Variants in SMIM35 observed in about 807,000 individuals in gnomAD.
SMIM35 encodes the protein TMPRSS4 antisense RNA 1 (non-protein coding).
intron 1 of SMIM35, among the ~76,000 whole-genome samples, chr11:118,021,051 T>C (rs1247057844): frequency 6.6e-6 from 1 of 151,636 alleles, no homozygotes. Context: ...GGTAAGGTTT[T>C]TTTTTTTACT....
intron 1 of SMIM35, among the ~76,000 whole-genome samples, chr11:118,068,639 A>G (rs1036392637): frequency 5.9e-5 from 9 of 152,278 alleles, no homozygotes; most frequent in African/African-American, 1.9e-4. Context: ...GGCAAGGATG[A>G]AGGAGGGAGG....
In SMIM35 at chr11:118,015,765, G is replaced by A; in HGVS notation, c.52C>T (p.Leu18Phe). ...STLGLILGVG[L>F]LLLLVSILGY... ...AGGATGGACACGAGCAGCAGCAAGA[G>A]CCCCACGCCAAGGATCAGGCCCAAG... The change falls in exon 2 of 5, where the codon CTC (leucine) becomes TTC (phenylalanine). Residue 18 changes from leucine to phenylalanine, a missense_variant. Leu to Phe is a conservative substitution (Grantham distance 22, BLOSUM62 0). Coordinates refer to ENST00000689828, the MANE Select transcript of SMIM35 (RefSeq NM_001394165.1). The A allele has an allele frequency of 2.5e-6, 1 of 399,562 alleles. No individual in the cohort carries two copies. Among genetic ancestry groups the A allele is most frequent in the Non-Finnish European group, 4.4e-6 (1 of 226,512 alleles). 24.8% of individuals were successfully genotyped at this position (399,562 alleles called of 1,614,324 possible). A position where few individuals can be genotyped will look rare whatever the true frequency, so the allele number is the denominator to read the frequency against.
chr11:118,050,321 C>G (rs898432146), intron 1 of SMIM35, among the ~76,000 whole-genome samples: 1 of 152,246 alleles, frequency 6.6e-6, no homozygotes, highest in Non-Finnish European at 1.5e-5. Context: ...GCCTCCTGGG[C>G]TCCTAGGTCT....
intron 1 of SMIM35, among the ~76,000 whole-genome samples, chr11:118,079,329 A>C (rs1338804829): frequency 6.6e-6 from 1 of 151,764 alleles, no homozygotes; most frequent in East Asian, 1.9e-4. Flanking sequence ...ACCTCCTTCC[A>C]TCCCCACAGG....
intron 4 of SMIM35, among the ~76,000 whole-genome samples, chr11:118,009,890 C>T (rs1360371369): frequency 1.3e-5 from 2 of 152,158 alleles, no homozygotes; most frequent in Non-Finnish European, 2.9e-5. Flanking sequence ...AGGGCAGGGT[C>T]AGAACCAGAC....
At chr11:118,036,458 C>T (rs1356919811) in intron 1 of SMIM35, among the ~76,000 whole-genome samples, 1 of 152,184 alleles carries the variant, frequency 6.6e-6, no homozygotes, top group Non-Finnish European at 1.5e-5. Context: ...TTTCTAAACA[C>T]ATCTTTAATG....
rs541472258 is a variant in SMIM35 at position 118,070,476 on chromosome 11, C to T, written c.7+16275G>A. 5.4e-3 allele frequency among the ~76,000 whole-genome samples: 823 copies of T among 152,324 alleles called. 2 individuals are homozygous for T. The highest frequency in any genetic ancestry group is 0.018 in the African/African-American group (741 of 41,568). ...ACAGCCGTGAGCCACCGTGCCCAGC[C>T]TCTAGACAGATTCTTATTAAAAACA... On this transcript the variant is annotated intron_variant, in intron 1 of 4. Coordinates refer to ENST00000689828, the MANE Select transcript of SMIM35 (RefSeq NM_001394165.1).
intron 1 of SMIM35, among the ~76,000 whole-genome samples, chr11:118,034,184 G>A (rs532108819): frequency 1.5e-5 from 1 of 66,770 alleles, no homozygotes; most frequent in Non-Finnish European, 3.4e-5. Context: ...TAGGAGAATC[G>A]CTTGAAACCA....
At chr11:118,053,028 G>A (rs988742460) in intron 1 of SMIM35, among the ~76,000 whole-genome samples, 1 of 152,164 alleles carries the variant, frequency 6.6e-6, no homozygotes, top group Non-Finnish European at 1.5e-5. Context: ...GCTCACAGCC[G>A]GGTCCGGTGG....
intron 1 of SMIM35, among the ~76,000 whole-genome samples, chr11:118,019,854 T>C (rs2058211309): frequency 6.6e-6 from 1 of 152,234 alleles, no homozygotes; most frequent in Non-Finnish European, 1.5e-5. Flanking sequence ...GTTAAACAGA[T>C]GTGCCTGCTT....
intron 1 of SMIM35, among the ~76,000 whole-genome samples, chr11:118,052,026 T>A (rs1393792934): frequency 2.0e-5 from 3 of 151,990 alleles, no homozygotes; most frequent in Non-Finnish European, 2.9e-5. Flanking sequence ...GCTGATGACA[T>A]GAGAGGTGTG....
At chr11:118,020,845 T>G (rs1418821532) in intron 1 of SMIM35, among the ~76,000 whole-genome samples, 1 of 152,212 alleles carries the variant, frequency 6.6e-6, no homozygotes, top group Non-Finnish European at 1.5e-5. Flanking sequence ...GGTTAGAACT[T>G]CCAGTATAAT....
chr11:118,004,441 C>G lies in SMIM35; in HGVS notation c.*1969G>C, dbSNP rs539052035. On this transcript the variant is annotated 3_prime_UTR_variant, in exon 5 of 5. Transcript: ENST00000689828. Reference sequence around the variant, plus strand: ...CAGAAGTGCTAGTCACACTTGAACCCGATGATGAGAAAAGCGAAATATGGA... The same window carrying G: ...CAGAAGTGCTAGTCACACTTGAACCGGATGATGAGAAAAGCGAAATATGGA... 1 of 152,098 alleles carries G rather than the reference C, an allele frequency of 6.6e-6. No individual in the cohort carries two copies. The highest frequency in any genetic ancestry group is 2.4e-5 in the African/African-American group (1 of 41,362). 9.4% of individuals were successfully genotyped at this position (152,098 alleles called of 1,614,324 possible). A position where few individuals can be genotyped will look rare whatever the true frequency, so the allele number is the denominator to read the frequency against.
chr11:118,082,056 G>T (rs582146), intron 1 of SMIM35, among the ~76,000 whole-genome samples: 22,490 of 152,148 alleles, frequency 0.15, 1,817 homozygotes, highest in East Asian at 0.3. Context: ...AGAGAGGAGG[G>T]TCTTGCCAGG....
chr11:118,079,491 A>G (rs1383009960), intron 1 of SMIM35, among the ~76,000 whole-genome samples: 1 of 152,206 alleles, frequency 6.6e-6, no homozygotes, highest in Non-Finnish European at 1.5e-5. Context: ...CCCGAAGGAA[A>G]TGTGTCCCAT....
At chr11:118,009,698 C>T (rs571849673) in intron 4 of SMIM35, among the ~76,000 whole-genome samples, 6 of 147,772 alleles carry the variant, frequency 4.1e-5, no homozygotes, top group Middle Eastern at 3.5e-3. Flanking sequence ...CCAGGCTATA[C>T]GCTAAGAACT....
At chr11:118,066,933 T>C (rs1338890737) in intron 1 of SMIM35, among the ~76,000 whole-genome samples, 1 of 152,040 alleles carries the variant, frequency 6.6e-6, no homozygotes, top group African/African-American at 2.4e-5. Context: ...GATAGAAAGA[T>C]AATGGGAGCC....
intron 1 of SMIM35, among the ~76,000 whole-genome samples, chr11:118,065,431 A>T (rs671567): frequency 2.0e-5 from 3 of 152,092 alleles, no homozygotes; most frequent in Non-Finnish European, 4.4e-5. Context: ...GCCAATTCAT[A>T]CTGACTTCCT....
chr11:118,070,415 G>C (rs1944553293), intron 1 of SMIM35, among the ~76,000 whole-genome samples: 1 of 152,172 alleles, frequency 6.6e-6, no homozygotes, highest in South Asian at 2.1e-4. Context: ...GACCTCAGGT[G>C]ATCCATCTGC....
Sources: gnomAD v4.1 joint callset for allele counts (sites outside exome capture counted in the v4.1 genomes callset) on GRCh38, gnomAD v4.1.1 for gene constraint, MANE v1.5 for transcripts, NCBI Gene and HGNC (gene_info 2026-07-23, HGNC 2026-07-21) for gene names.